CXADR: variants seen among roughly 807,000 people sequenced by gnomAD.
The protein encoded by CXADR is coxsackievirus and adenovirus receptor.
Under a neutral mutation model 40.3 loss-of-function variants are expected in CXADR, and 20 were observed. The observed-to-expected ratio is 0.50, with a 90% CI of 0.35 to 0.72. The LOEUF (loss-of-function observed/expected upper bound fraction) is 0.72. CXADR is among the 30% of genes least tolerant of loss of function. The pLI is 0.01. For synonymous variants in CXADR, 150 were observed against 161.3 expected (o/e 0.93, Z 0.53); for missense variants, 332 against 449.1 (o/e 0.74, Z 2.36).
chr21:17,519,129 T>G (rs2060497490), intron 1 of CXADR: 1 of 695,930 alleles, frequency 1.4e-6, no homozygotes, highest in Non-Finnish European at 2.5e-6. Context: ...ATGCCTCCCC[T>G]CCAAGGCAAG....
chr21:17,526,220 GTGTGCCATCAAAACAGCTTTCTCAAA>G (rs1159406492), intron 1 of CXADR, among the ~76,000 whole-genome samples: 45 of 152,306 alleles, frequency 3.0e-4, no homozygotes, highest in Non-Finnish European at 6.5e-4. Flanking sequence ...CATGGGGGCA[GTGTGCCATCAAAACAGCTTTCTCAAA>G]TGGAACATGC....
chr21:17,621,818 G>A, the CXADR span, among the ~76,000 whole-genome samples: 1 of 152,184 alleles, frequency 6.6e-6, no homozygotes, highest in Non-Finnish European at 1.5e-5. Flanking sequence ...AAATTACCCA[G>A]TTCCAAGTAT....
At chr21:17,545,380 G>A (rs1375881028) in intron 1 of CXADR, among the ~76,000 whole-genome samples, 3 of 151,892 alleles carry the variant, frequency 2.0e-5, no homozygotes, top group East Asian at 3.8e-4. Flanking sequence ...AGTATGAATA[G>A]GAAAAAAAGT....
Position 17,527,416 on chromosome 21 carries a change from G to C in CXADR, c.43+14244G>C, listed in dbSNP as rs543308215. ...TTATCTGATTTTCCATTGTAAATTT[G>C]TATTAAATATTTCTGATAAGCAGCC... On this transcript the variant is annotated intron_variant, in intron 1 of 6. Coordinates refer to ENST00000284878, the MANE Select transcript of CXADR (RefSeq NM_001338.5). 5.9e-5 allele frequency among the ~76,000 whole-genome samples: 9 copies of C among 152,240 alleles called. No homozygotes were observed. The East Asian group carries it at 1.7e-3, about 29-fold the overall frequency.
At chr21:17,573,239 G>T (rs369095003), downstream of CXADR, among the ~76,000 whole-genome samples, 1 of 152,112 alleles carries the variant, frequency 6.6e-6, no homozygotes. Flanking sequence ...CCATATAAGC[G>T]CATCTCAACT....
chr21:17,613,084 C>T, the CXADR span: 5 of 152,010 alleles, frequency 3.3e-5, no homozygotes, highest in South Asian at 6.2e-4. Context: ...GGCGACACAC[C>T]CTCGCCCTAC....
At chr21:17,540,750 C>A (rs2060816559) in intron 1 of CXADR, among the ~76,000 whole-genome samples, 1 of 152,240 alleles carries the variant, frequency 6.6e-6, no homozygotes, top group African/African-American at 2.4e-5. Context: ...GATTAGCACA[C>A]TGACATTTCA....
intron 7 of CXADR, among the ~76,000 whole-genome samples, chr21:17,579,487 C>T (rs988080260): frequency 1.3e-5 from 2 of 151,972 alleles, no homozygotes; most frequent in African/African-American, 2.4e-5. Context: ...GGTTTCACAG[C>T]GTTAGCCAGG....
the CXADR span, chr21:17,608,790 C>T: frequency 8.9e-6 from 5 of 558,804 alleles, no homozygotes; most frequent in Non-Finnish European, 1.4e-5. Flanking sequence ...AGTGGGACTC[C>T]ACCACTCCGC....
At chr21:17,633,435 T>C in the CXADR span, among the ~76,000 whole-genome samples, 132 of 152,270 alleles carry the variant, frequency 8.7e-4, 1 homozygote, top group African/African-American at 3.1e-3. Flanking sequence ...GGTGCACATC[T>C]GTAGTCCCAG....
chr21:17,568,407 C>T lies in CXADR; in HGVS notation c.*2715C>T, dbSNP rs1191852988. 1.2e-5 allele frequency: 12 copies of T among 982,844 alleles called. No individual in the cohort carries two copies. The East Asian group carries it at 4.6e-4, about 37-fold the overall frequency. 60.9% of individuals were successfully genotyped at this position (982,844 alleles called of 1,614,324 possible). On this transcript the variant is annotated 3_prime_UTR_variant, in exon 7 of 7. Coordinates refer to ENST00000284878, the MANE Select transcript of CXADR (RefSeq NM_001338.5). ...CCTCCCAAAGTGCTGGGATTACAGG[C>T]GTGAACCACTGCACCCGGCCCAGTA...
At chr21:17,555,376 A>G (rs763205652) in intron 3 of CXADR, among the ~76,000 whole-genome samples, 5 of 152,130 alleles carry the variant, frequency 3.3e-5, no homozygotes, top group Non-Finnish European at 5.9e-5. Context: ...ACTACTTTTT[A>G]TTTTACAATA....
chr21:17,566,879 G>A lies in CXADR; in HGVS notation c.*1187G>A, dbSNP rs1024559130. 2.0e-6 allele frequency: 2 copies of A among 983,750 alleles called. No individual in the cohort carries two copies. The highest frequency in any genetic ancestry group is 2.4e-6 in the Non-Finnish European group (2 of 829,272). 60.9% of individuals were successfully genotyped at this position (983,750 alleles called of 1,614,324 possible). A position where few individuals can be genotyped will look rare whatever the true frequency, so the allele number is the denominator to read the frequency against. On this transcript the variant is annotated 3_prime_UTR_variant, in exon 7 of 7. Transcript: ENST00000284878. ...GTTGTGTGATCAAACATGTCTCTGT[G>A]TAGTTCCAGCAAATCAAGCTGAGCT...
intron 7 of CXADR, among the ~76,000 whole-genome samples, chr21:17,584,598 G>T (rs909947165): frequency 2.6e-5 from 4 of 152,172 alleles, no homozygotes; most frequent in Non-Finnish European, 4.4e-5. Flanking sequence ...TTGGGAGGCC[G>T]AGGAGGGCGG....
chr21:17,585,530 T>A (rs979345743), intron 7 of CXADR, among the ~76,000 whole-genome samples: 6 of 152,040 alleles, frequency 3.9e-5, no homozygotes, highest in African/African-American at 9.7e-5. Flanking sequence ...AATTATTATT[T>A]TTTTTTGAGA....
At chr21:17,551,703 T>G in intron 2 of CXADR, 46 bp from the exon 3 acceptor site, 1 of 1,534,654 alleles carries the variant, frequency 6.5e-7, no homozygotes, top group Non-Finnish European at 8.9e-7. Flanking sequence ...CAGTTTTTTT[T>G]GTGTGTGTTT....
chr21:17,625,708 C>G, the CXADR span, among the ~76,000 whole-genome samples: 2 of 152,142 alleles, frequency 1.3e-5, no homozygotes, highest in Non-Finnish European at 2.9e-5. Context: ...AGGACATATA[C>G]CATTTGCAAA....
intron 1 of CXADR, among the ~76,000 whole-genome samples, chr21:17,533,006 T>A (rs1300500874): frequency 6.6e-6 from 1 of 152,210 alleles, no homozygotes; most frequent in Non-Finnish European, 1.5e-5. Context: ...AGAGAACTCC[T>A]GCTAATGCCT....
chr21:17,619,548 C>T, the CXADR span, among the ~76,000 whole-genome samples: 23 of 150,546 alleles, frequency 1.5e-4, no homozygotes, highest in Non-Finnish European at 1.5e-5. Context: ...AAGATGGTGC[C>T]ATTGTACTCC....
Sources: allele counts gnomAD v4.1 joint callset (sites outside exome capture counted in the v4.1 genomes callset), GRCh38; gene constraint gnomAD v4.1.1; transcripts MANE v1.5; gene names NCBI Gene and HGNC (gene_info 2026-07-23, HGNC 2026-07-21).